Variants in PLEKHM3 observed in about 807,000 individuals in gnomAD.
The protein encoded by PLEKHM3 is pleckstrin homology domain-containing family M member 3.
Under a neutral mutation model 81.8 loss-of-function variants are expected in PLEKHM3, and 45 were observed. The observed-to-expected ratio is 0.55, with a 90% CI of 0.43 to 0.71. The LOEUF is 0.71. Ranked by LOEUF, PLEKHM3 falls within the 30% of genes least tolerant of loss-of-function variation. The probability of loss-of-function intolerance (pLI) is 0.00; values close to 1 mark genes in which losing one functional copy is unlikely to be tolerated. For missense variants in PLEKHM3, 788 were observed against 924.3 expected (o/e 0.85, Z 1.91); for synonymous variants, 352 against 356.4 (o/e 0.99, Z 0.14).
At chr2:207,985,335 CT>C (rs565487064) in intron 2 of PLEKHM3, among the ~76,000 whole-genome samples, 35 of 152,022 alleles carry the variant, frequency 2.3e-4, no homozygotes, top group African/African-American at 8.4e-4. Flanking sequence ...AACAACTGTC[CT>C]CCTCTGAACC....
Position 207,840,159 on chromosome 2 carries a change from G to A in PLEKHM3, c.2109-11663C>T, listed in dbSNP as rs139953405. ...AACAAAAATATGGACTTTGCAAAACGAAAATAGGAGGTGATATTAACTAAT... is the reference window on the plus strand; with the variant it reads ...AACAAAAATATGGACTTTGCAAAACAAAAATAGGAGGTGATATTAACTAAT... On this transcript the variant is annotated intron_variant, in intron 7 of 7. Transcript: ENST00000427836. Among the ~76,000 whole-genome samples the A allele has an allele frequency of 1.5e-3, 229 of 152,222 alleles. 1 individual carries two copies. The highest frequency in any genetic ancestry group is 5.1e-3 in the African/African-American group (212 of 41,532).
intron 6 of PLEKHM3, among the ~76,000 whole-genome samples, chr2:207,888,165 G>A (rs1687939938): frequency 6.6e-6 from 1 of 151,754 alleles, no homozygotes; most frequent in Non-Finnish European, 1.5e-5. Context: ...CCTTTTTGAT[G>A]TCACAATCCT....
intron 3 of PLEKHM3, among the ~76,000 whole-genome samples, chr2:207,971,691 G>C (rs1315982900): frequency 6.6e-6 from 1 of 151,986 alleles, no homozygotes; most frequent in African/African-American, 2.4e-5. Flanking sequence ...ATTTGTTTTA[G>C]CATTAATACT....
chr2:207,824,814 C>T lies in PLEKHM3; in HGVS notation c.*3505G>A, dbSNP rs929246143. The T allele has an allele frequency of 1.2e-4, 18 of 152,122 alleles. No homozygotes were observed. Among genetic ancestry groups the T allele is most frequent in the African/African-American group, 4.3e-4 (18 of 41,424 alleles). 9.4% of individuals were successfully genotyped at this position (152,122 alleles called of 1,614,324 possible). The stretch of plus-strand genomic sequence containing the variant: ...TAAACACCTCGGATCTCACTGCAGC[C>T]GGAAGGAAGTCACGGCATAGTCCCT... On this transcript the variant is annotated 3_prime_UTR_variant, in exon 8 of 8. Transcript: ENST00000427836.
At chr2:207,993,122 A>G (rs1002094777) in intron 2 of PLEKHM3, among the ~76,000 whole-genome samples, 2 of 152,176 alleles carry the variant, frequency 1.3e-5, no homozygotes, top group East Asian at 1.9e-4. Context: ...AAAAGAAAAA[A>G]AAATTAATAG....
At chr2:207,944,312 G>A (rs1374343677) in intron 4 of PLEKHM3, among the ~76,000 whole-genome samples, 2 of 152,178 alleles carry the variant, frequency 1.3e-5, no homozygotes, top group African/African-American at 4.8e-5. Context: ...ATAAGAAACT[G>A]CCAAGGGTCA....
chr2:207,893,179 C>A (rs1356442793), intron 6 of PLEKHM3, among the ~76,000 whole-genome samples: 2 of 152,162 alleles, frequency 1.3e-5, no homozygotes, highest in Non-Finnish European at 2.9e-5. Context: ...ACTTAATATC[C>A]CAGCCAACTT....
chr2:208,016,284 T>C (rs946650640), intron 1 of PLEKHM3, among the ~76,000 whole-genome samples: 1 of 152,178 alleles, frequency 6.6e-6, no homozygotes, highest in African/African-American at 2.4e-5. Flanking sequence ...TATCAATGTA[T>C]GTAGGGTTCA....
rs922976209 is a variant in PLEKHM3 at position 208,001,432 on chromosome 2, C to G, written c.208G>C (p.Gly70Arg). The change falls in exon 2 of 8, where the codon GGC becomes CGC. Residue 70 changes from glycine (G) to arginine (R), a missense_variant. Transcript: ENST00000427836. ...MRNVTSLGKG[G>R]MIWDHCKSRL... Reference sequence around the variant, plus strand: ...CTCTTACAGTGGTCCCAAATCATGCCCCCCTTGCCCAGGGAGGTGACATTT... The same window carrying G: ...CTCTTACAGTGGTCCCAAATCATGCGCCCCTTGCCCAGGGAGGTGACATTT... 6.2e-6 allele frequency: 10 copies of G among 1,614,004 alleles called. No homozygotes were observed. In the African/African-American group the frequency reaches 1.2e-4, roughly 19 times the overall value.
intron 6 of PLEKHM3, among the ~76,000 whole-genome samples, chr2:207,903,458 A>G (rs1481368316): frequency 6.6e-6 from 1 of 152,190 alleles, no homozygotes; most frequent in East Asian, 1.9e-4. Context: ...AAATAGAATC[A>G]TTCAATGCTT....
chr2:207,925,265 C>T (rs1392650882), intron 5 of PLEKHM3, among the ~76,000 whole-genome samples: 4 of 151,576 alleles, frequency 2.6e-5, no homozygotes, highest in East Asian at 1.9e-4. Flanking sequence ...CCGGGTAGAT[C>T]GCTACTGATG....
intron 5 of PLEKHM3, among the ~76,000 whole-genome samples, chr2:207,924,205 C>T (rs1168530000): frequency 6.6e-6 from 1 of 151,496 alleles, no homozygotes; most frequent in Admixed American, 6.6e-5. Context: ...GCGCCTGGCC[C>T]ACATGGATAT....
At chr2:207,850,759 T>C (rs763775316) in intron 7 of PLEKHM3, among the ~76,000 whole-genome samples, 9 of 152,186 alleles carry the variant, frequency 5.9e-5, no homozygotes, top group Non-Finnish European at 1.3e-4. Context: ...TCCTGGGTCA[T>C]TTTGTGGATT....
intron 7 of PLEKHM3, among the ~76,000 whole-genome samples, chr2:207,829,158 T>C (rs1165107411): frequency 6.6e-6 from 1 of 152,220 alleles, no homozygotes; most frequent in Admixed American, 6.5e-5. Context: ...TCAAACAATA[T>C]GACAGATATT....
chr2:207,980,761 G>A (rs914379568), intron 2 of PLEKHM3, among the ~76,000 whole-genome samples: 8 of 152,076 alleles, frequency 5.3e-5, no homozygotes, highest in Non-Finnish European at 1.0e-4. Context: ...AATAGAGACA[G>A]GGTTTCACCA....
intron 2 of PLEKHM3, among the ~76,000 whole-genome samples, chr2:207,994,887 T>G (rs1692018635): frequency 6.6e-6 from 1 of 152,128 alleles, no homozygotes; most frequent in Non-Finnish European, 1.5e-5. Context: ...CATTCCTTCT[T>G]AAGAAGACAG....
chr2:207,869,227 T>C (rs1015985075), intron 6 of PLEKHM3, among the ~76,000 whole-genome samples: 6 of 152,210 alleles, frequency 3.9e-5, no homozygotes, highest in Non-Finnish European at 8.8e-5. Context: ...CATTTGGTAA[T>C]ATGACTAGTG....
At chr2:207,921,460 C>T (rs990582675) in intron 5 of PLEKHM3, among the ~76,000 whole-genome samples, 6 of 152,142 alleles carry the variant, frequency 3.9e-5, no homozygotes, top group African/African-American at 1.4e-4. Context: ...ATAATCAAAT[C>T]AGGGTAATTA....
chr2:207,868,788 T>C (rs2092516989), intron 6 of PLEKHM3: 1 of 152,248 alleles, frequency 6.6e-6, no homozygotes, highest in Admixed American at 6.5e-5. Flanking sequence ...ATGTCATTTT[T>C]TTTTTAAAGG....
Sources: gnomAD v4.1 joint callset for allele counts (sites outside exome capture counted in the v4.1 genomes callset) on GRCh38, gnomAD v4.1.1 for gene constraint, MANE v1.5 for transcripts, NCBI Gene and HGNC (gene_info 2026-07-23, HGNC 2026-07-21) for gene names.